Variants in EXOC2 observed in about 807,000 individuals in gnomAD.
EXOC2 encodes exocyst complex component 2.
In EXOC2, 70 loss-of-function variants were observed where a neutral mutation model predicts 131.8. That is an observed-to-expected ratio of 0.53 (90% CI 0.44 to 0.65). EXOC2 has a LOEUF of 0.65. EXOC2 is among the 30% of genes least tolerant of loss of function. EXOC2 has a pLI of 0.00. For synonymous variants in EXOC2, 411 were observed against 398.4 expected (o/e 1.03, Z -0.38); for missense variants, 923 against 1,108.6 (o/e 0.83, Z 2.38).
At chr6:627,167 T>C (rs1347208193) in intron 4 of EXOC2, among the ~76,000 whole-genome samples, 1 of 151,392 alleles carries the variant, frequency 6.6e-6, no homozygotes, top group African/African-American at 2.4e-5. Flanking sequence ...CTTCCTTTTA[T>C]CTTTCTCTAA....
intron 1 of EXOC2, among the ~76,000 whole-genome samples, chr6:671,202 C>A (rs533294035): frequency 1.7e-3 from 260 of 151,596 alleles, no homozygotes; most frequent in Middle Eastern, 3.4e-3. Flanking sequence ...ACTAAAAGTA[C>A]AAAAACTAGC....
chr6:669,692 T>C (rs1763776992), intron 1 of EXOC2: 1 of 152,278 alleles, frequency 6.6e-6, no homozygotes, highest in South Asian at 2.1e-4. Context: ...ATGGCAACAG[T>C]TGGTGGGATC....
At chr6:632,442 C>T (rs1298928259) in intron 3 of EXOC2, among the ~76,000 whole-genome samples, 3 of 152,094 alleles carry the variant, frequency 2.0e-5, no homozygotes, top group Non-Finnish European at 2.9e-5. Context: ...AAACAAAGTG[C>T]TATGTGGTTC....
In EXOC2 at chr6:654,803, CAAAAAAA is replaced by C. The variant is rs66637987; in HGVS notation, c.-43-16949_-43-16943del. Among the ~76,000 whole-genome samples the C allele has an allele frequency of 5.8e-3, 170 of 29,530 alleles. 3 individuals carry two copies. The East Asian group carries it at 0.14, about 24-fold the overall frequency. The allele number at this position is 29,530 out of a possible 152,430, so 19.4% of individuals were successfully genotyped here. A position where few individuals can be genotyped will look rare whatever the true frequency, so the allele number is the denominator to read the frequency against. On this transcript the variant is annotated intron_variant, in intron 1 of 27. Coordinates refer to ENST00000230449, the MANE Select transcript of EXOC2 (RefSeq NM_018303.6). The stretch of plus-strand genomic sequence containing the variant: ...TGGGTGACAGAGTAAGACCCTGTCT[CAAAAAAA>C]AAAAAAAAAAAAAAAAAAAAAAAAA...
intron 23 of EXOC2, 139 bp from the exon 24 acceptor site, chr6:499,839 A>C: frequency 1.5e-6 from 1 of 650,768 alleles, no homozygotes; most frequent in Non-Finnish European, 2.7e-6. Flanking sequence ...CCTTTTGAGA[A>C]TCAAATGGTG....
intron 7 of EXOC2, among the ~76,000 whole-genome samples, chr6:607,089 T>C (rs1254244060): frequency 6.6e-6 from 1 of 152,064 alleles, no homozygotes; most frequent in Non-Finnish European, 1.5e-5. Context: ...CAGCGACGTG[T>C]GAATTAAAGG....
intron 1 of EXOC2, among the ~76,000 whole-genome samples, chr6:676,734 T>C (rs1764148924): frequency 1.1e-5 from 1 of 88,968 alleles, no homozygotes; most frequent in African/African-American, 3.3e-5. Context: ...CTCTGGAGAC[T>C]GTGGTTTCCC....
chr6:559,321 A>G (rs372088501), intron 17 of EXOC2, among the ~76,000 whole-genome samples: 3 of 152,342 alleles, frequency 2.0e-5, no homozygotes, highest in African/African-American at 7.2e-5. Context: ...TCAATGGGAT[A>G]AGCAATGGGA....
chr6:528,971 T>C (rs977281678), intron 23 of EXOC2, among the ~76,000 whole-genome samples: 3 of 152,284 alleles, frequency 2.0e-5, no homozygotes, highest in African/African-American at 4.8e-5. Context: ...AGTGAGGACT[T>C]TGAAATTCCA....
rs1321229976 is a variant in EXOC2, at chr6:576,798, G to C, written c.1277C>G (p.Ser426Cys). ...CTGAAAGCTGCTGCCCCTCTTCAGG[G>C]ACGCTGTCTGACTGAGATGGCCCAA... ...SVLGHLSQTA[S>C]LKRGSSFQSG... is the part of the protein sequence containing the mutation. The change falls in exon 12 of 28, where the codon TCC (serine) becomes TGC (cysteine). Residue 426 changes from serine to cysteine, a missense_variant. By Grantham distance (112) the Ser-to-Cys change is moderately radical. Coordinates refer to ENST00000230449, the MANE Select transcript of EXOC2 (RefSeq NM_018303.6). The C allele has an allele frequency of 3.7e-6, 6 of 1,614,152 alleles. No individual in the cohort carries two copies. The highest frequency in any genetic ancestry group is 5.1e-6 in the Non-Finnish European group (6 of 1,180,018).
At chr6:623,225 G>A (rs1047764645) in intron 4 of EXOC2, among the ~76,000 whole-genome samples, 1 of 152,196 alleles carries the variant, frequency 6.6e-6, no homozygotes, top group East Asian at 1.9e-4. Flanking sequence ...GAGCAGGGAG[G>A]CCCAAGCCCC....
In EXOC2 at chr6:555,956, G is replaced by A; in HGVS notation, c.1990C>T (p.Gln664Ter). 2 of 1,613,982 alleles carry A rather than the reference G, an allele frequency of 1.2e-6. No individual in the cohort carries two copies. The highest frequency in any genetic ancestry group is 8.5e-7 in the Non-Finnish European group (1 of 1,179,922). The change falls in exon 19 of 28, where the codon CAG becomes TAG. Residue 664 changes from glutamine to a stop codon, truncating the protein, a stop_gained and splice_region_variant. Coordinates refer to ENST00000230449, the MANE Select transcript of EXOC2 (RefSeq NM_018303.6). LOFTEE classifies it high-confidence loss of function. ...GCATTACTGCTTTCTATTATTACCT[G>A]CATTATATTGATGCTTAGCTGGCAA... ...EVCQLSINIMQVFIYCLEQLS... is the reference protein window; with the variant it reads ...EVCQLSINIM
chr6:535,630 T>C (rs1339018596), intron 22 of EXOC2, among the ~76,000 whole-genome samples: 2 of 152,224 alleles, frequency 1.3e-5, no homozygotes, highest in Non-Finnish European at 2.9e-5. Flanking sequence ...CAAGTAGTCC[T>C]ATATTTATTA....
chr6:584,761 A>G (rs1759107035), intron 11 of EXOC2, among the ~76,000 whole-genome samples: 2 of 152,260 alleles, frequency 1.3e-5, no homozygotes, highest in African/African-American at 4.8e-5. Flanking sequence ...AATGTTGCCT[A>G]CTGAACCCTA....
intron 5 of EXOC2, among the ~76,000 whole-genome samples, chr6:618,079 C>T (rs1761103413): frequency 6.6e-6 from 1 of 152,100 alleles, no homozygotes; most frequent in Admixed American, 6.5e-5. Context: ...ATGGTAATTC[C>T]AAATACATTA....
At chr6:488,462 G>GGT (rs1417593925) in intron 27 of EXOC2, among the ~76,000 whole-genome samples, 3 of 152,140 alleles carry the variant, frequency 2.0e-5, no homozygotes, top group Non-Finnish European at 4.4e-5. Context: ...GAGATCATCA[G>GGT]TGTGGTCTAA....
chr6:576,730 C>G, intron 12 of EXOC2, 27 bp downstream of exon 12: 1 of 1,607,666 alleles, frequency 6.2e-7, no homozygotes, highest in Non-Finnish European at 8.5e-7. Flanking sequence ...TTTAAAAGAC[C>G]CAGTGGCAGT....
intron 22 of EXOC2, among the ~76,000 whole-genome samples, chr6:548,390 C>T (rs559238749): frequency 2.6e-5 from 4 of 152,288 alleles, no homozygotes; most frequent in Non-Finnish European, 5.9e-5. Context: ...ACTGTACTGA[C>T]ATTAAAAAGT....
intron 1 of EXOC2, among the ~76,000 whole-genome samples, chr6:641,823 A>G (rs1251542713): frequency 6.6e-6 from 1 of 152,170 alleles, no homozygotes; most frequent in Non-Finnish European, 1.5e-5. Flanking sequence ...CAACAGACGT[A>G]TAACTGGTAA....
Sources: gnomAD v4.1 joint callset for allele counts (sites outside exome capture counted in the v4.1 genomes callset) on GRCh38, gnomAD v4.1.1 for gene constraint, MANE v1.5 for transcripts, NCBI Gene and HGNC (gene_info 2026-07-23, HGNC 2026-07-21) for gene names.